VANGL1: variants seen among roughly 807,000 people sequenced by gnomAD.
VANGL1 encodes the protein vang-like protein 1.
In VANGL1, 18 loss-of-function variants were observed where a neutral mutation model predicts 48.4. The ratio of observed to expected loss-of-function variants is 0.37; its 90% confidence interval spans 0.26 to 0.55. The LOEUF (loss-of-function observed/expected upper bound fraction) is 0.55, where lower values mean the gene tolerates loss of function less well. VANGL1 is among the 20% of genes least tolerant of loss of function. The pLI is 0.81. For synonymous variants in VANGL1, 257 were observed against 261.8 expected (o/e 0.98, Z 0.18); for missense variants, 667 against 675.8 (o/e 0.99, Z 0.14).
chr1:115,689,646 A>G (rs970818359), intron 7 of VANGL1, among the ~76,000 whole-genome samples: 7 of 135,404 alleles, frequency 5.2e-5, no homozygotes, highest in African/African-American at 2.0e-4. Flanking sequence ...CAAAAAAAAA[A>G]AAGAGGATAC....
chr1:115,663,672 G>C lies in VANGL1; in HGVS notation c.216G>C (p.Trp72Cys). ...CTTCTCCCCACCAGGATGACAACTG[G>C]GGAGAGACCACCACGGCCATCACAG... ...TRTEEVQDDNWGETTTAITGT... is the reference protein window; with the variant it reads ...TRTEEVQDDNCGETTTAITGT... The change falls in exon 4 of 8, where the codon TGG becomes TGC. Residue 72 changes from tryptophan to cysteine, a missense_variant. Trp to Cys is a radical substitution (Grantham distance 215). Transcript: ENST00000355485. 3.1e-6 allele frequency: 5 copies of C among 1,614,108 alleles called. No individual in the cohort carries two copies. The highest frequency in any genetic ancestry group is 4.2e-6 in the Non-Finnish European group (5 of 1,180,020).
At chr1:115,660,465 C>T (rs754253169) in intron 3 of VANGL1, among the ~76,000 whole-genome samples, 4 of 152,188 alleles carry the variant, frequency 2.6e-5, no homozygotes, top group Non-Finnish European at 5.9e-5. Context: ...TATGTGGAAT[C>T]CTAACTTTAC....
chr1:115,681,512 GT>G (rs71096825), intron 4 of VANGL1, among the ~76,000 whole-genome samples: 7 of 135,112 alleles, frequency 5.2e-5, no homozygotes, highest in South Asian at 2.3e-4. Context: ...TGTTTTTTTT[GT>G]TTTTTTTTTT....
intron 7 of VANGL1, among the ~76,000 whole-genome samples, chr1:115,687,967 T>A (rs149661325): frequency 1.7e-5 from 2 of 116,456 alleles, no homozygotes; most frequent in Admixed American, 2.0e-4. Context: ...GATAGATAGA[T>A]AGATAGATAG....
intron 4 of VANGL1, among the ~76,000 whole-genome samples, chr1:115,673,680 AC>A (rs1455142197): frequency 9.6e-5 from 14 of 145,682 alleles, no homozygotes; most frequent in Non-Finnish European, 1.8e-4. Flanking sequence ...GCTCTCTGCA[AC>A]CTCTGTCTCC....
Position 115,659,684 on chromosome 1 carries a change from G to A in VANGL1, c.115G>A (p.Gly39Ser), listed in dbSNP as rs529034655. The A allele has an allele frequency of 5.6e-6, 9 of 1,614,112 alleles. No homozygotes were observed. The highest frequency in any genetic ancestry group is 4.0e-5 in the African/African-American group (3 of 75,020). The part of the protein sequence containing the change: ...ERHKSPRNKD[G>S]RGSEKSVTIQ... ...ACACAAGTCACCCCGGAATAAAGAC[G>A]GCAGAGGGTCAGAAAAGTCTGTCAC... Residue 39 changes from glycine to serine, a missense_variant, in exon 3 of 8, where the codon GGC (glycine) becomes AGC (serine). Physicochemically the swap from Gly to Ser is moderately conservative, Grantham distance 56. Transcript: ENST00000355485.
chr1:115,654,224 G>C (rs374630207), intron 2 of VANGL1, among the ~76,000 whole-genome samples: 57 of 152,210 alleles, frequency 3.7e-4, no homozygotes, highest in African/African-American at 1.3e-3. Flanking sequence ...TTTAGTCAGA[G>C]TCCAACTCAG....
chr1:115,647,776 G>A (rs1365228249), intron 1 of VANGL1, among the ~76,000 whole-genome samples: 1 of 152,172 alleles, frequency 6.6e-6, no homozygotes, highest in African/African-American at 2.4e-5. Context: ...TAGGATGAGG[G>A]TATTGCTTTA....
At chr1:115,657,085 C>T (rs187328707) in intron 2 of VANGL1, among the ~76,000 whole-genome samples, 5 of 152,286 alleles carry the variant, frequency 3.3e-5, no homozygotes, top group Admixed American at 1.3e-4. Flanking sequence ...GACCTAACAA[C>T]GTGGGAAGTC....
At chr1:115,664,601 A>T (rs1652703155) in intron 4 of VANGL1, among the ~76,000 whole-genome samples, 1 of 152,214 alleles carries the variant, frequency 6.6e-6, no homozygotes, top group South Asian at 2.1e-4. Flanking sequence ...GCCAATGGAC[A>T]ACAGATAAAG....
chr1:115,670,226 C>T (rs1172654655), intron 4 of VANGL1, among the ~76,000 whole-genome samples: 1 of 152,182 alleles, frequency 6.6e-6, no homozygotes, highest in African/African-American at 2.4e-5. Context: ...ATCTTGGACC[C>T]CCAACCTCCA....
intron 4 of VANGL1, among the ~76,000 whole-genome samples, chr1:115,681,511 T>TTC (rs1557774115): frequency 8.3e-6 from 1 of 120,342 alleles, no homozygotes; most frequent in East Asian, 2.2e-4. Context: ...TTGTTTTTTT[T>TTC]GTTTTTTTTT....
At chr1:115,665,891 A>G (rs1026633556) in intron 4 of VANGL1, among the ~76,000 whole-genome samples, 2 of 152,124 alleles carry the variant, frequency 1.3e-5, no homozygotes, top group Admixed American at 6.6e-5. Context: ...TCAGAGCTCT[A>G]TCTCAGCACC....
chr1:115,648,458 C>G (rs1652017154), intron 1 of VANGL1, among the ~76,000 whole-genome samples: 4 of 152,134 alleles, frequency 2.6e-5, no homozygotes, highest in Admixed American at 2.0e-4. Flanking sequence ...TTAGATAAAG[C>G]CTTTCCCTGG....
chr1:115,668,934 A>G (rs1363599866), intron 4 of VANGL1, among the ~76,000 whole-genome samples: 1 of 152,226 alleles, frequency 6.6e-6, no homozygotes, highest in Admixed American at 6.5e-5. Flanking sequence ...CCACAGCCCT[A>G]TCCCACATTT....
chr1:115,684,630 C>A (rs1461452753), intron 6 of VANGL1, among the ~76,000 whole-genome samples: 1 of 152,106 alleles, frequency 6.6e-6, no homozygotes, highest in Non-Finnish European at 1.5e-5. Flanking sequence ...GAGACCCTAC[C>A]CAATAGGTGT....
At position 115,696,781 on chromosome 1, in the gene VANGL1, A is replaced by G. The variant is rs1654046652; in HGVS notation, c.*5402A>G. 1 of 152,134 alleles carries G rather than the reference A, an allele frequency of 6.6e-6. No individual in the cohort carries two copies. The highest frequency in any genetic ancestry group is 2.4e-5 in the African/African-American group (1 of 41,420). 9.4% of individuals were successfully genotyped at this position (152,134 alleles called of 1,614,324 possible). The stretch of plus-strand genomic sequence containing the variant: ...TAAAGCCAGGTGCAGCACTGTGAAA[A>G]GTTTCTTTCAATATGGCACCAAGAC... On this transcript the variant is annotated 3_prime_UTR_variant, in exon 8 of 8. Transcript: ENST00000355485.
chr1:115,676,781 G>A lies in VANGL1; in HGVS notation c.813-5583G>A, dbSNP rs114931376. On this transcript the variant is annotated intron_variant, in intron 4 of 7. Transcript: ENST00000355485. ...CCAGCACCTGGTATACTTGGATCTCGCAGGCTGCTGCTGGAGGTTCCGAGT... is the reference window on the plus strand; with the variant it reads ...CCAGCACCTGGTATACTTGGATCTCACAGGCTGCTGCTGGAGGTTCCGAGT... 3.7e-3 allele frequency among the ~76,000 whole-genome samples: 569 copies of A among 152,326 alleles called. 3 individuals carry two copies. The highest frequency in any genetic ancestry group is 0.013 in the African/African-American group (525 of 41,576).
rs1348139662 is a variant in VANGL1, at chr1:115,694,798, G to A, written c.*3419G>A. Reference sequence around the variant, plus strand: ...ATTTCTCTGAGTGTATTACCAGACGGATAGCACATTTATATGTCAGACATC... The same window carrying A: ...ATTTCTCTGAGTGTATTACCAGACGAATAGCACATTTATATGTCAGACATC... On this transcript the variant is annotated 3_prime_UTR_variant, in exon 8 of 8. Coordinates refer to ENST00000355485, the MANE Select transcript of VANGL1 (RefSeq NM_138959.3). 2 of 152,194 alleles carry A rather than the reference G, an allele frequency of 1.3e-5. No homozygotes were observed. Among genetic ancestry groups the A allele is most frequent in the Non-Finnish European group, 2.9e-5 (2 of 68,048 alleles). The allele number at this position is 152,194 out of a possible 1,614,324, so 9.4% of individuals were successfully genotyped here. A position where few individuals can be genotyped will look rare whatever the true frequency, so the allele number is the denominator to read the frequency against.
Sources: gnomAD v4.1 joint callset for allele counts (sites outside exome capture counted in the v4.1 genomes callset) on GRCh38, gnomAD v4.1.1 for gene constraint, MANE v1.5 for transcripts, NCBI Gene and HGNC (gene_info 2026-07-23, HGNC 2026-07-21) for gene names.